The following LAMA3 variants were observed in gnomAD, a reference collection of about 807,000 sequenced individuals.
The protein encoded by LAMA3 is laminin subunit alpha 3, also known as laminin subunit alpha-3.
LAMA3 carries 281 observed loss-of-function variants against 402.0 expected under a neutral mutation model. The observed-to-expected ratio is 0.70, with a 90% CI of 0.63 to 0.77. The LOEUF (loss-of-function observed/expected upper bound fraction) is 0.77. Among genes scored for constraint, LAMA3 ranks in the 30% least tolerant of loss-of-function variants. The pLI, the probability that LAMA3 is intolerant of heterozygous loss-of-function variation, is 0.00. For synonymous variants in LAMA3, 1,431 were observed against 1,558.4 expected (o/e 0.92, Z 1.93); for missense variants, 3,840 against 4,215.5 (o/e 0.91, Z 2.47).
intron 1 of LAMA3, among the ~76,000 whole-genome samples, chr18:23,698,876 G>A (rs767843854): frequency 2.6e-5 from 4 of 152,196 alleles, no homozygotes; most frequent in South Asian, 2.1e-4. Context: ...GACTGTAGCC[G>A]TTGAGTAAAT....
chr18:23,700,737 G>T (rs200536777), intron 1 of LAMA3, among the ~76,000 whole-genome samples: 1 of 151,782 alleles, frequency 6.6e-6, no homozygotes. Flanking sequence ...TCACTCTGTC[G>T]CCTGGGCTCG....
chr18:23,931,210 A>C lies in LAMA3; in HGVS notation c.8576+9A>C. 1 of 1,607,846 alleles carries C rather than the reference A, an allele frequency of 6.2e-7. No individual in the cohort carries two copies. Among genetic ancestry groups the C allele is most frequent in the Non-Finnish European group, 8.5e-7 (1 of 1,174,236 alleles). ...ATAAGCGACAACTCTGGGTGAGTGG[A>C]ATAATACTTCTGTCAGAGCTGTGAG... On this transcript the variant is annotated intron_variant, in intron 65 of 74. Coordinates refer to ENST00000313654, the MANE Select transcript of LAMA3 (RefSeq NM_198129.4).
chr18:23,787,979 A>T (rs1188134850), intron 12 of LAMA3, among the ~76,000 whole-genome samples: 1 of 152,154 alleles, frequency 6.6e-6, no homozygotes, highest in East Asian at 1.9e-4. Context: ...AAATACATAC[A>T]TACATACATA....
chr18:23,706,861 C>CT (rs1200629053), intron 1 of LAMA3, among the ~76,000 whole-genome samples: 3 of 152,114 alleles, frequency 2.0e-5, no homozygotes, highest in African/African-American at 4.8e-5. Flanking sequence ...GGCGGATCAC[C>CT]TGAGGTCAGG....
Position 23,907,859 on chromosome 18 carries a change from GGAAA to G in LAMA3, c.6943_6946del (p.Arg2315LeufsTer17). On this transcript the variant is annotated frameshift_variant, in exon 54 of 75. Coordinates refer to ENST00000313654, the MANE Select transcript of LAMA3 (RefSeq NM_198129.4). LOFTEE classifies it high-confidence loss of function. ...GGCTCAACCCCATCCAGACAGATGTGGAAAGAATTAAGGACACCTATGGGAGGAC... is the reference window on the plus strand; with the variant it reads ...GGCTCAACCCCATCCAGACAGATGTGGAATTAAGGACACCTATGGGAGGAC... 6.2e-7 allele frequency: 1 copy of G among 1,614,126 alleles called. No homozygotes were observed. The highest frequency in any genetic ancestry group is 8.5e-7 in the Non-Finnish European group (1 of 1,180,018).
chr18:23,904,128 G>C, intron 50 of LAMA3, 41 bp downstream of exon 50: 1 of 1,609,800 alleles, frequency 6.2e-7, no homozygotes, highest in Non-Finnish European at 8.5e-7. Flanking sequence ...CACGTGGGCT[G>C]AGCTCAGCAG....
At position 23,882,040 on chromosome 18, in the gene LAMA3, T is replaced by A; in HGVS notation, c.5217T>A (p.Thr1739=). The A allele has an allele frequency of 6.2e-7, 1 of 1,609,762 alleles. No homozygotes were observed. Among genetic ancestry groups the A allele is most frequent in the Non-Finnish European group, 8.5e-7 (1 of 1,176,150 alleles). Residue 1739 remains threonine (T), a synonymous_variant, in exon 40 of 75, where the codon ACT becomes ACA. Transcript: ENST00000313654. ...GCAGGGCCTGCCCATGTCCTCACAC[T>A]AACAGGTACCGTAGCAGCTTGACAT... is the stretch of plus-strand genomic sequence containing the variant. ...GSCRACPCPH[T]NSFATGCVVN...
In LAMA3 at chr18:23,758,453, A is replaced by G. The variant is rs1428417534; in HGVS notation, c.1005A>G (p.Thr335=). ...GGGAGACGTGTGATCGCTGCTGCAC[A>G]GGGTACAATCAGAGGCGCTGGCGGC... ...TCGETCDRCC[T]GYNQRRWRPA... The change falls in exon 7 of 75, where the codon ACA becomes ACG. Residue 335 remains threonine (T), a synonymous_variant. Transcript: ENST00000313654. The G allele has an allele frequency of 2.5e-6, 4 of 1,614,078 alleles. No individual in the cohort carries two copies. Among genetic ancestry groups the G allele is most frequent in the East Asian group, 2.2e-5 (1 of 44,890 alleles).
intron 29 of LAMA3, 146 bp from the exon 30 acceptor site, chr18:23,844,863 A>G: frequency 1.5e-6 from 1 of 684,040 alleles, no homozygotes. Flanking sequence ...ATCTTTGAGC[A>G]TCATGTCAGT....
In LAMA3 at chr18:23,824,461, A is replaced by T. The variant is rs1422765143; in HGVS notation, c.2467A>T (p.Lys823Ter). ...QSKEIIFLPS[K>*]EPAFVTVPGN... ...CAAAGAGATCATCTTCCTGCCGAGT[A>T]AGGAGCCAGCCTTTGTCACTGTCCC... The change falls in exon 21 of 75, where the codon AAG (lysine) becomes TAG (stop). Residue 823 changes from lysine to a stop codon, truncating the protein, a stop_gained. Coordinates refer to ENST00000313654, the MANE Select transcript of LAMA3 (RefSeq NM_198129.4). LOFTEE classifies it high-confidence loss of function. 3 of 1,614,162 alleles carry T rather than the reference A, an allele frequency of 1.9e-6. No individual in the cohort carries two copies. Among genetic ancestry groups the T allele is most frequent in the Non-Finnish European group, 2.5e-6 (3 of 1,179,984 alleles).
intron 1 of LAMA3, among the ~76,000 whole-genome samples, chr18:23,693,628 A>G (rs1302764620): frequency 6.6e-6 from 1 of 152,060 alleles, no homozygotes; most frequent in Non-Finnish European, 1.5e-5. Context: ...ATAGCCTTCT[A>G]TATTATAGAA....
rs902958508 is a variant in LAMA3 at position 23,794,913 on chromosome 18, T to C, written c.1603+10756T>C. ...CTTAAAAAACCACAAACTCTCGACA[T>C]TATTTTCACAAAAAACCATATCTTT... On this transcript the variant is annotated intron_variant, in intron 12 of 74. Coordinates refer to ENST00000313654, the MANE Select transcript of LAMA3 (RefSeq NM_198129.4). 4.6e-5 allele frequency among the ~76,000 whole-genome samples: 7 copies of C among 152,232 alleles called. 1 individual carries two copies. Among genetic ancestry groups the C allele is most frequent in the Non-Finnish European group, 1.0e-4 (7 of 68,038 alleles).
At chr18:23,892,337 G>A (rs977465388) in intron 42 of LAMA3, among the ~76,000 whole-genome samples, 6 of 151,930 alleles carry the variant, frequency 3.9e-5, no homozygotes, top group Admixed American at 1.3e-4. Context: ...AAATGCTTAT[G>A]TATGAGACTT....
intron 18 of LAMA3, among the ~76,000 whole-genome samples, chr18:23,818,950 C>G (rs2063229596): frequency 6.6e-6 from 1 of 152,068 alleles, no homozygotes; most frequent in Non-Finnish European, 1.5e-5. Context: ...AATTCTTTGA[C>G]TATCTACAAA....
chr18:23,717,739 T>TC (rs2061134274), intron 2 of LAMA3, among the ~76,000 whole-genome samples: 1 of 107,426 alleles, frequency 9.3e-6, no homozygotes, highest in Non-Finnish European at 2.1e-5. Flanking sequence ...TTTTTTTTTT[T>TC]TTTTTTTTTT....
chr18:23,762,865 T>A (rs369300613), intron 7 of LAMA3, among the ~76,000 whole-genome samples: 2,415 of 144,098 alleles, frequency 0.017, 43 homozygotes, highest in South Asian at 0.096. Flanking sequence ...TATATATTTT[T>A]TTTTTTTTTG....
chr18:23,873,262 C>G, intron 38 of LAMA3: 1 of 1,511,726 alleles, frequency 6.6e-7, no homozygotes, highest in Non-Finnish European at 9.2e-7. Context: ...GAGTTTCCAG[C>G]TTTGTGACAT....
intron 42 of LAMA3, among the ~76,000 whole-genome samples, chr18:23,893,242 T>C (rs1039108277): frequency 1.3e-5 from 2 of 152,116 alleles, no homozygotes; most frequent in African/African-American, 4.8e-5. Context: ...TGAAGGTAGA[T>C]AGTTTGTTCA....
chr18:23,690,120 G>A, intron 1 of LAMA3, 143 bp downstream of exon 1: 1 of 660,260 alleles, frequency 1.5e-6, no homozygotes, highest in Non-Finnish European at 2.4e-6. Context: ...CCCCGCGCGC[G>A]AGGGCCCACG....
Sources: gnomAD v4.1 joint callset for allele counts (sites outside exome capture counted in the v4.1 genomes callset) on GRCh38, gnomAD v4.1.1 for gene constraint, MANE v1.5 for transcripts, NCBI Gene and HGNC (gene_info 2026-07-23, HGNC 2026-07-21) for gene names.